The following MGAT4C variants were observed in gnomAD, a reference collection of about 807,000 sequenced individuals.
MGAT4C encodes the protein alpha-1,3-mannosyl-glycoprotein 4-beta-N-acetylglucosaminyltransferase C.
Under a neutral mutation model 40.1 loss-of-function variants are expected in MGAT4C, and 19 were observed. That is an observed-to-expected ratio of 0.47 (90% CI 0.33 to 0.70). The LOEUF is 0.70. Among genes scored for constraint, MGAT4C ranks in the 30% least tolerant of loss-of-function variants. The pLI is 0.02. For missense variants in MGAT4C, 491 were observed against 563.2 expected (o/e 0.87, Z 1.30); for synonymous variants, 181 against 187.1 (o/e 0.97, Z 0.27).
At chr12:86,648,600 G>C (rs1443328353) in intron 2 of MGAT4C, among the ~76,000 whole-genome samples, 1 of 151,832 alleles carries the variant, frequency 6.6e-6, no homozygotes, top group Non-Finnish European at 1.5e-5. Flanking sequence ...CAGGAAGAGA[G>C]CCCTCACCAA....
chr12:86,628,184 G>C (rs1394664472), intron 2 of MGAT4C, among the ~76,000 whole-genome samples: 1 of 152,138 alleles, frequency 6.6e-6, no homozygotes. Flanking sequence ...AGCTAGAAGA[G>C]AAGTTTAGAG....
chr12:86,134,457 G>C (rs142062449), intron 1 of MGAT4C, among the ~76,000 whole-genome samples: 1 of 151,994 alleles, frequency 6.6e-6, no homozygotes, highest in Admixed American at 6.6e-5. Flanking sequence ...TGTGGTTTTT[G>C]TTGTAAGTAG....
At chr12:86,695,935 G>A (rs2136605459) in intron 2 of MGAT4C, among the ~76,000 whole-genome samples, 1 of 152,220 alleles carries the variant, frequency 6.6e-6, no homozygotes, top group Non-Finnish European at 1.5e-5. Flanking sequence ...ATATAGGCCG[G>A]GCGTGGTGGC....
chr12:86,158,041 A>G (rs1415812242), intron 1 of MGAT4C, among the ~76,000 whole-genome samples: 1 of 152,222 alleles, frequency 6.6e-6, no homozygotes, highest in Non-Finnish European at 1.5e-5. Context: ...TATTGCCCAA[A>G]TGAAAGTTTT....
intron 4 of MGAT4C, among the ~76,000 whole-genome samples, chr12:86,312,558 T>C (rs1954105626): frequency 6.6e-6 from 1 of 152,188 alleles, no homozygotes; most frequent in Non-Finnish European, 1.5e-5. Context: ...GTTTTAATAA[T>C]GAATGTTCTT....
At position 85,966,770 on chromosome 12, in the gene MGAT4C, A is replaced by C. The variant is rs184887251; in HGVS notation, c.*12519T>G. 1 of 152,262 alleles carries C rather than the reference A, an allele frequency of 6.6e-6. No individual in the cohort carries two copies. Among genetic ancestry groups the C allele is most frequent in the African/African-American group, 2.4e-5 (1 of 41,540 alleles). The allele number at this position is 152,262 out of a possible 1,614,324, so 9.4% of individuals were successfully genotyped here. A position where few individuals can be genotyped will look rare whatever the true frequency, so the allele number is the denominator to read the frequency against. ...TGTAGGGACATGGATGAAGCTGGAA[A>C]CCATCATTCTCAGCAAACTATTGCA... On this transcript the variant is annotated 3_prime_UTR_variant, in exon 5 of 5. Coordinates refer to ENST00000611864, the MANE Select transcript of MGAT4C (RefSeq NM_001351288.2).
intron 2 of MGAT4C, among the ~76,000 whole-genome samples, chr12:86,656,900 AT>A (rs1963864190): frequency 1.3e-5 from 2 of 152,052 alleles, no homozygotes; most frequent in African/African-American, 4.8e-5. Context: ...GTTTTTCTTA[AT>A]TTTTGTTTAA....
intron 1 of MGAT4C, among the ~76,000 whole-genome samples, chr12:86,241,861 C>T (rs1951802088): frequency 6.6e-6 from 1 of 152,152 alleles, no homozygotes; most frequent in African/African-American, 2.4e-5. Flanking sequence ...ATACTCACTA[C>T]CTGTCTGACT....
upstream of MGAT4C, among the ~76,000 whole-genome samples, chr12:86,257,867 T>C (rs1952567629): frequency 6.6e-6 from 1 of 152,148 alleles, no homozygotes; most frequent in South Asian, 2.1e-4. Flanking sequence ...ACTTACTATC[T>C]GTAAAAACTC....
At chr12:86,581,159 G>A (rs1454119482) in intron 2 of MGAT4C, among the ~76,000 whole-genome samples, 1 of 151,400 alleles carries the variant, frequency 6.6e-6, no homozygotes, top group Non-Finnish European at 1.5e-5. Context: ...ATAGGAAAGG[G>A]CATACTTCCT....
chr12:86,013,765 GA>G (rs199552277), intron 2 of MGAT4C: 127,761 of 647,968 alleles, frequency 0.2, 7 homozygotes, highest in Non-Finnish European at 0.22. Flanking sequence ...GAATCTTAGT[GA>G]AAAAAAAAAA....
rs538193520 is a variant in MGAT4C, at chr12:86,343,724, C to T, written c.-119-9597G>A. 4.3e-4 allele frequency among the ~76,000 whole-genome samples: 66 copies of T among 152,272 alleles called. 1 individual carries two copies. The highest frequency in any genetic ancestry group is 3.4e-3 in the Middle Eastern group (1 of 294). On this transcript the variant is annotated intron_variant, in intron 3 of 7. Transcript: ENST00000548651. ...AAATATATCTTCATCAAAAATCAGA[C>T]GAGACATCAACATCTTATCTATCGA...
chr12:86,430,450 C>G (rs114846108), intron 3 of MGAT4C, among the ~76,000 whole-genome samples: 232 of 152,144 alleles, frequency 1.5e-3, no homozygotes, highest in African/African-American at 5.2e-3. Flanking sequence ...TTTGGAAAAG[C>G]CAGCTGGGGA....
At chr12:86,677,864 C>T (rs1593105694) in intron 2 of MGAT4C, among the ~76,000 whole-genome samples, 2 of 152,026 alleles carry the variant, frequency 1.3e-5, no homozygotes, top group South Asian at 2.1e-4. Context: ...AGAAAGCAAA[C>T]GACTAAAACT....
At chr12:86,410,809 G>A (rs1956588330) in intron 3 of MGAT4C, among the ~76,000 whole-genome samples, 1 of 152,108 alleles carries the variant, frequency 6.6e-6, no homozygotes, top group Admixed American at 6.6e-5. Context: ...TATTAATTTT[G>A]GAAACTGATA....
chr12:86,755,598 TTC>T (rs968641552), intron 1 of MGAT4C, among the ~76,000 whole-genome samples: 8 of 151,264 alleles, frequency 5.3e-5, no homozygotes, highest in East Asian at 3.9e-4. Context: ...CTTTCTCTCT[TTC>T]TCTCTCTCTC....
intron 2 of MGAT4C, among the ~76,000 whole-genome samples, chr12:86,530,337 T>C (rs1958960275): frequency 1.3e-5 from 2 of 152,076 alleles, no homozygotes; most frequent in Non-Finnish European, 2.9e-5. Context: ...TGAATAAATA[T>C]TTCATCTATC....
intron 2 of MGAT4C, among the ~76,000 whole-genome samples, chr12:86,640,194 T>C (rs573338356): frequency 8.7e-4 from 132 of 151,882 alleles, no homozygotes; most frequent in East Asian, 7.8e-4. Flanking sequence ...AAAAGATAGC[T>C]TTACCCACCA....
intron 2 of MGAT4C, among the ~76,000 whole-genome samples, chr12:86,497,691 A>G (rs1958261938): frequency 6.6e-6 from 1 of 151,586 alleles, no homozygotes; most frequent in Non-Finnish European, 1.5e-5. Flanking sequence ...TTACATTTCC[A>G]ACATGAAAGT....
Sources: allele counts gnomAD v4.1 joint callset (sites outside exome capture counted in the v4.1 genomes callset), GRCh38; gene constraint gnomAD v4.1.1; transcripts MANE v1.5; gene names NCBI Gene and HGNC (gene_info 2026-07-23, HGNC 2026-07-21).